SH3KBP1: variants seen among roughly 807,000 people sequenced by gnomAD.
SH3KBP1 encodes the protein SH3 domain containing kinase binding protein 1.
A neutral mutation model predicts 50.1 loss-of-function variants in SH3KBP1; 8 were observed. That is an observed-to-expected ratio of 0.16 (90% CI 0.09 to 0.29). The LOEUF is 0.29. Ranked by LOEUF, SH3KBP1 falls within the 10% of genes least tolerant of loss-of-function variation. The pLI is 1.00. For synonymous variants in SH3KBP1, 227 were observed against 218.6 expected, an observed-to-expected ratio of 1.04 and a Z score of -0.34; for missense variants, 377 against 535.2, an observed-to-expected ratio of 0.70 and a Z score of 2.92.
At chrX:19,839,944 A>G (rs1365365682) in intron 1 of SH3KBP1, among the ~76,000 whole-genome samples, 1 of 112,596 alleles carries the variant, frequency 8.9e-6, no homozygotes, top group East Asian at 2.8e-4. Flanking sequence ...CAAAGGTGCT[A>G]CTAAAATGTC....
intron 8 of SH3KBP1, among the ~76,000 whole-genome samples, chrX:19,630,416 G>GA (rs1452648391): frequency 3.6e-5 from 4 of 112,182 alleles, no homozygotes; most frequent in African/African-American, 1.3e-4. Context: ...TTACAGGTCT[G>GA]ATTAAAAATA....
chrX:19,593,886 G>C (rs1408921700), intron 10 of SH3KBP1, among the ~76,000 whole-genome samples: 1 of 111,946 alleles, frequency 8.9e-6, no homozygotes, highest in Non-Finnish European at 1.9e-5. Context: ...AGAACCACTA[G>C]GTGGCAAAAT....
chrX:19,887,492 TGCTGCTGCTGCC>T lies in SH3KBP1; in HGVS notation c.-194_-183del. On this transcript the variant is annotated 5_prime_UTR_variant, in exon 1 of 18. Coordinates refer to ENST00000397821, the MANE Select transcript of SH3KBP1 (RefSeq NM_031892.3). ...GCTCAGCGCCGCCCGCTGCTGCCTC[TGCTGCTGCTGCC>T]GCTGCTGCCCCGGGGCGACTCCTGC... is the stretch of plus-strand genomic sequence containing the variant. 1 of 292,615 alleles carries T rather than the reference TGCTGCTGCTGCC, an allele frequency of 3.4e-6. No homozygotes were observed. Among genetic ancestry groups the T allele is most frequent in the East Asian group, 5.2e-5 (1 of 19,263 alleles). The allele number at this position is 292,615 out of a possible 1,213,427, so 24.1% of individuals were successfully genotyped here.
intron 2 of SH3KBP1, chrX:19,799,570 C>T (rs1256341115): frequency 3.6e-6 from 4 of 1,107,353 alleles, no homozygotes; most frequent in East Asian, 3.0e-5. Flanking sequence ...ACAAAGTAGT[C>T]GGGCAACAGG....
chrX:19,797,890 A>AACACACACAC lies in SH3KBP1; in HGVS notation c.162+38225_162+38234dup, dbSNP rs60418789. 9.2e-5 allele frequency among the ~76,000 whole-genome samples: 9 copies of AACACACACAC among 97,418 alleles called. No individual in the cohort carries two copies. The South Asian group carries it at 2.4e-3, about 26-fold the overall frequency. The allele number at this position is 97,418 out of a possible 115,157, so 84.6% of individuals were successfully genotyped here. ...AAAGCAGGCTCTAGAAAGTGCCCTA[A>AACACACACAC]ACACACACACACACACACACACACA... On this transcript the variant is annotated intron_variant, in intron 2 of 17. Coordinates refer to ENST00000397821, the MANE Select transcript of SH3KBP1 (RefSeq NM_031892.3).
intron 3 of SH3KBP1, among the ~76,000 whole-genome samples, chrX:19,718,329 T>C (rs1411001136): frequency 1.8e-5 from 2 of 111,566 alleles, no homozygotes; most frequent in Admixed American, 9.5e-5. Flanking sequence ...ATTAAATGAA[T>C]GAGGGCAACA....
At chrX:19,724,139 A>G (rs1405690746) in intron 3 of SH3KBP1, among the ~76,000 whole-genome samples, 1 of 111,194 alleles carries the variant, frequency 9.0e-6, no homozygotes, top group African/African-American at 3.3e-5. Flanking sequence ...CCCCTCTCAG[A>G]GGGCAGAAAG....
chrX:19,708,790 G>T (rs915023777), intron 3 of SH3KBP1, among the ~76,000 whole-genome samples: 37 of 111,726 alleles, frequency 3.3e-4, no homozygotes, highest in African/African-American at 1.2e-3. Flanking sequence ...TGGATGTTAT[G>T]TTAAAAGCAA....
chrX:19,708,073 CT>C (rs2063691962), intron 3 of SH3KBP1, among the ~76,000 whole-genome samples: 1 of 113,006 alleles, frequency 8.8e-6, no homozygotes, highest in Non-Finnish European at 1.9e-5. Flanking sequence ...TACAGGGATT[CT>C]TTTTCTTCTC....
intron 2 of SH3KBP1, among the ~76,000 whole-genome samples, chrX:19,823,774 G>C (rs1429828690): frequency 8.9e-6 from 1 of 112,330 alleles, no homozygotes; most frequent in Non-Finnish European, 1.9e-5. Flanking sequence ...GAGTGGGATG[G>C]AGAATCACTG....
chrX:19,765,744 C>A (rs182997693), intron 2 of SH3KBP1, among the ~76,000 whole-genome samples: 1 of 111,694 alleles, frequency 9.0e-6, no homozygotes, highest in Non-Finnish European at 1.9e-5. Context: ...TCCTGGCAAC[C>A]AGCAGTCCAT....
intron 2 of SH3KBP1, among the ~76,000 whole-genome samples, chrX:19,819,501 T>C (rs1197436744): frequency 2.7e-5 from 3 of 110,306 alleles, no homozygotes; most frequent in Non-Finnish European, 3.8e-5. Flanking sequence ...GTCCAGCTAA[T>C]TTTTTGATTA....
At chrX:19,713,872 CA>C (rs1044651589) in intron 3 of SH3KBP1, among the ~76,000 whole-genome samples, 3 of 111,867 alleles carry the variant, frequency 2.7e-5, no homozygotes, top group Non-Finnish European at 5.6e-5. Context: ...TCCACGAGAT[CA>C]ACCTTTTTAG....
rs549690671 is a variant in SH3KBP1, at chrX:19,613,817, G to A, written c.898-5772C>T. ...CATGTTCAAGTGGAACTCAGAGAGA[G>A]GTGGAACAGAGCAAGCATGGGCCAT... On this transcript the variant is annotated intron_variant, in intron 8 of 17. Coordinates refer to ENST00000397821, the MANE Select transcript of SH3KBP1 (RefSeq NM_031892.3). Among the ~76,000 whole-genome samples the A allele has an allele frequency of 8.9e-5, 10 of 112,332 alleles. No individual in the cohort carries two copies. The South Asian group carries it at 3.7e-3, about 42-fold the overall frequency.
chrX:19,856,372 G>C (rs1325981595), intron 1 of SH3KBP1, among the ~76,000 whole-genome samples: 1 of 111,866 alleles, frequency 8.9e-6, no homozygotes, highest in Non-Finnish European at 1.9e-5. Context: ...TCTTAAAGTA[G>C]ATCTCATATA....
chrX:19,850,094 G>A (rs188258325), intron 1 of SH3KBP1, among the ~76,000 whole-genome samples: 1 of 112,039 alleles, frequency 8.9e-6, no homozygotes, highest in African/African-American at 3.2e-5. Context: ...GAAGATGGGG[G>A]TTTTAAAGGC....
chrX:19,568,552 CACACCCACTCACGT>C (rs1165930018), intron 13 of SH3KBP1, among the ~76,000 whole-genome samples: 5 of 112,305 alleles, frequency 4.5e-5, no homozygotes, highest in African/African-American at 1.3e-4. Flanking sequence ...CCGGTGGCCT[CACACCCACTCACGT>C]ACACCTCCAA....
At chrX:19,795,187 T>C (rs2066672048) in intron 2 of SH3KBP1, among the ~76,000 whole-genome samples, 1 of 111,748 alleles carries the variant, frequency 8.9e-6, no homozygotes, top group Admixed American at 9.5e-5. Context: ...AACCCATACA[T>C]TATGAAAGCA....
chrX:19,723,164 A>G (rs2064121623), intron 3 of SH3KBP1, among the ~76,000 whole-genome samples: 1 of 108,174 alleles, frequency 9.2e-6, no homozygotes, highest in Non-Finnish European at 1.9e-5. Flanking sequence ...AAAAAAAAAA[A>G]GTGTTAAAAG....
Sources: allele counts gnomAD v4.1 joint callset (sites outside exome capture counted in the v4.1 genomes callset), GRCh38; gene constraint gnomAD v4.1.1; transcripts MANE v1.5; gene names NCBI Gene and HGNC (gene_info 2026-07-23, HGNC 2026-07-21).